ZNF469: variants seen among roughly 807,000 people sequenced by gnomAD.
ZNF469 encodes the protein zinc finger protein 469.
ZNF469 carries 1 observed loss-of-function variant against 1.0 expected under a neutral mutation model. The ratio of observed to expected loss-of-function variants is 1.00; its 90% CI spans 0.35 to 4.73. The LOEUF (loss-of-function observed/expected upper bound fraction) is 4.73, where lower values mean the gene tolerates loss of function less well. Among genes scored for constraint, ZNF469 ranks in the 30% most tolerant of loss-of-function variants. The probability of loss-of-function intolerance (pLI) is 0.16; values close to 1 mark genes in which losing one functional copy is unlikely to be tolerated. For synonymous variants in ZNF469, 2,703 were observed against 2,363.4 expected (o/e 1.14, Z -4.17); for missense variants, 6,100 against 5,356.3 (o/e 1.14, Z -4.33).
the ZNF469 span, among the ~76,000 whole-genome samples, chr16:88,133,534 T>A: frequency 6.6e-6 from 1 of 152,194 alleles, no homozygotes; most frequent in African/African-American, 2.4e-5. Context: ...ATTAAATGTA[T>A]TATTAAAAAT....
intron 1 of ZNF469, among the ~76,000 whole-genome samples, chr16:88,405,280 C>A (rs1356788442): frequency 1.4e-5 from 2 of 140,502 alleles, no homozygotes; most frequent in Non-Finnish European, 3.2e-5. Flanking sequence ...GAGGCTGGCA[C>A]ACGGGTAGCC....
At chr16:88,251,579 G>A in the ZNF469 span, among the ~76,000 whole-genome samples, 3 of 51,834 alleles carry the variant, frequency 5.8e-5, no homozygotes, top group African/African-American at 2.3e-4. Flanking sequence ...TTTTTTTTGA[G>A]ATGGAGACTT....
the ZNF469 span, among the ~76,000 whole-genome samples, chr16:88,220,279 C>A: frequency 4.6e-5 from 7 of 152,142 alleles, no homozygotes; most frequent in Non-Finnish European, 7.4e-5. Flanking sequence ...CATCCTTCAG[C>A]GAGATTGGAA....
the ZNF469 span, among the ~76,000 whole-genome samples, chr16:88,226,573 T>C: frequency 6.6e-6 from 1 of 152,120 alleles, no homozygotes; most frequent in Non-Finnish European, 1.5e-5. Flanking sequence ...CCCTAGTCTG[T>C]GGCCCTTTCT....
At chr16:88,163,758 T>C in the ZNF469 span, among the ~76,000 whole-genome samples, 1 of 151,610 alleles carries the variant, frequency 6.6e-6, no homozygotes, top group East Asian at 2.0e-4. Flanking sequence ...GGTAAGTGGA[T>C]GAATGGATCG....
In ZNF469 at chr16:88,434,011, G is replaced by A. The variant is rs113838400; in HGVS notation, c.6541G>A (p.Val2181Ile). The change falls in exon 3 of 3, where the codon GTC becomes ATC. Residue 2181 changes from valine to isoleucine, a missense_variant. Val to Ile is a conservative substitution (Grantham distance 29). Transcript: ENST00000565624. ...AWAPLEEADG[V>I]QATTDTGAED... ...GGCACCTCTGGAAGAGGCAGATGGCGTCCAAGCCACGACAGATACTGGGGC... is the reference window on the plus strand; with the variant it reads ...GGCACCTCTGGAAGAGGCAGATGGCATCCAAGCCACGACAGATACTGGGGC... 9.1e-5 allele frequency: 141 copies of A among 1,550,258 alleles called. No homozygotes were observed. Among genetic ancestry groups the A allele is most frequent in the South Asian group, 5.5e-4 (46 of 84,062 alleles).
At chr16:88,120,844 T>C in the ZNF469 span, among the ~76,000 whole-genome samples, 143,904 of 152,196 alleles carry the variant, frequency 0.95, 68,523 homozygotes, top group South Asian at 1. Context: ...AGAATCCAGG[T>C]GTGAGCCCCG....
the ZNF469 span, among the ~76,000 whole-genome samples, chr16:88,216,081 A>G: frequency 6.6e-6 from 1 of 152,140 alleles, no homozygotes; most frequent in African/African-American, 2.4e-5. Flanking sequence ...AGATTTTCAG[A>G]CAACAAAGTC....
the ZNF469 span, among the ~76,000 whole-genome samples, chr16:88,321,118 C>T: frequency 3.0e-4 from 45 of 152,350 alleles, 1 homozygote; most frequent in African/African-American, 1.1e-3. Flanking sequence ...CAGCCTGGCC[C>T]GGGGATGCCG....
At chr16:88,244,132 GATGGGTGC>G in the ZNF469 span, among the ~76,000 whole-genome samples, 2 of 149,722 alleles carry the variant, frequency 1.3e-5, no homozygotes, top group Non-Finnish European at 3.0e-5. Flanking sequence ...TGGATGGATG[GATGGGTGC>G]ATGGGTGGAT....
the ZNF469 span, chr16:88,302,288 G>A: frequency 1.3e-5 from 2 of 152,260 alleles, no homozygotes; most frequent in Non-Finnish European, 2.9e-5. Flanking sequence ...CACAAGCCCA[G>A]ATGATATTAA....
chr16:88,321,026 T>C, the ZNF469 span, among the ~76,000 whole-genome samples: 2 of 152,226 alleles, frequency 1.3e-5, no homozygotes, highest in Non-Finnish European at 2.9e-5. Context: ...TGCCTTTCAG[T>C]ATGAAATGTT....
intron 1 of ZNF469, among the ~76,000 whole-genome samples, chr16:88,410,751 C>T (rs1468862227): frequency 6.6e-6 from 1 of 152,058 alleles, no homozygotes; most frequent in Non-Finnish European, 1.5e-5. Flanking sequence ...ACACAGTTCA[C>T]AGTAACGTCT....
At chr16:88,229,240 C>G in the ZNF469 span, among the ~76,000 whole-genome samples, 7 of 152,220 alleles carry the variant, frequency 4.6e-5, no homozygotes, top group African/African-American at 1.7e-4. Flanking sequence ...CGGAGAGACT[C>G]TAGTGAAGAT....
chr16:88,433,844 G>C lies in ZNF469; in HGVS notation c.6374G>C (p.Cys2125Ser). ...PSPTSAAHMP[C>S]SLGPLPREDP... is the part of the protein sequence containing the mutation. ...CCCACTTCAGCCGCCCACATGCCCT[G>C]CAGCCTTGGGCCCCTGCCCCGTGAA... Residue 2125 changes from cysteine (C) to serine (S), a missense_variant, in exon 3 of 3, where the codon TGC becomes TCC. Physicochemically the swap from Cys to Ser is moderately radical, Grantham distance 112. Coordinates refer to ENST00000565624, the MANE Select transcript of ZNF469 (RefSeq NM_001367624.2). The C allele has an allele frequency of 1.3e-6, 2 of 1,549,704 alleles. No homozygotes were observed. The highest frequency in any genetic ancestry group is 2.4e-5 in the South Asian group (2 of 83,986).
At chr16:88,425,133 A>C (rs1029081599) in intron 2 of ZNF469, among the ~76,000 whole-genome samples, 1 of 152,270 alleles carries the variant, frequency 6.6e-6, no homozygotes, top group African/African-American at 2.4e-5. Flanking sequence ...CCTTCCCTTG[A>C]TAAATCAGAC....
intron 1 of ZNF469, among the ~76,000 whole-genome samples, chr16:88,385,950 C>T (rs148986723): frequency 9.2e-5 from 14 of 152,302 alleles, no homozygotes; most frequent in African/African-American, 2.9e-4. Context: ...TCAGGAGACT[C>T]CGTGGGACCT....
chr16:88,102,797 C>A, the ZNF469 span, among the ~76,000 whole-genome samples: 1 of 152,204 alleles, frequency 6.6e-6, no homozygotes, highest in African/African-American at 2.4e-5. Flanking sequence ...AGGCGTCCAC[C>A]GCAGGGCCCC....
At chr16:88,236,454 G>A in the ZNF469 span, among the ~76,000 whole-genome samples, 1 of 152,254 alleles carries the variant, frequency 6.6e-6, no homozygotes, top group Admixed American at 6.5e-5. Flanking sequence ...AGGGAGGCGG[G>A]TATAAAGAGA....
Sources: allele counts gnomAD v4.1 joint callset (sites outside exome capture counted in the v4.1 genomes callset), GRCh38; gene constraint gnomAD v4.1.1; transcripts MANE v1.5; gene names NCBI Gene and HGNC (gene_info 2026-07-23, HGNC 2026-07-21).